The following AOPEP variants were observed in gnomAD, a reference collection of about 807,000 sequenced individuals.
AOPEP encodes the protein aminopeptidase O.
In AOPEP, 77 loss-of-function variants were observed where a neutral mutation model predicts 98.1. The ratio of observed to expected loss-of-function variants is 0.78; its 90% CI spans 0.65 to 0.95. The LOEUF (loss-of-function observed/expected upper bound fraction) is 0.95. AOPEP is among the 40% of genes least tolerant of loss of function. AOPEP has a pLI of 0.00. For synonymous variants in AOPEP, 346 were observed against 365.3 expected (o/e 0.95, Z 0.60); for missense variants, 1,024 against 1,024.7 (o/e 1.00, Z 0.01).
intron 13 of AOPEP, among the ~76,000 whole-genome samples, chr9:95,046,906 A>G (rs62579941): frequency 0.021 from 3,249 of 152,304 alleles, 52 homozygotes; most frequent in Middle Eastern, 0.044. Flanking sequence ...ATTGTTTCTT[A>G]TTCTGCTTGT....
At chr9:94,775,337 A>AGTT (rs1841840465) in intron 3 of AOPEP, among the ~76,000 whole-genome samples, 2 of 151,124 alleles carry the variant, frequency 1.3e-5, no homozygotes, top group Non-Finnish European at 2.9e-5. Flanking sequence ...AGCTAGATTA[A>AGTT]CGTATGTACT....
chr9:95,005,575 C>G lies in AOPEP; in HGVS notation c.2074C>G (p.Arg692Gly), dbSNP rs1343635906. 4 of 1,613,904 alleles carry G rather than the reference C, an allele frequency of 2.5e-6. No homozygotes were observed. The highest frequency in any genetic ancestry group is 1.7e-6 in the Non-Finnish European group (2 of 1,179,916). ...TKWIGVNRRP[R>G]KRKRREKEEV... ...ATGGATTGGAGTGAACCGGAGACCC[C>G]GAAAACGGAAGCGCAGGGAGAAGGA... is the stretch of plus-strand genomic sequence containing the variant. The change falls in exon 13 of 17, where the codon CGA (arginine) becomes GGA (glycine). Residue 692 changes from arginine to glycine, a missense_variant. This residue lies in a region of AOPEP where 566 missense variants were observed against 551.7 expected (regional missense o/e 1.03). Coordinates refer to ENST00000375315, the MANE Select transcript of AOPEP (RefSeq NM_001193329.3).
intron 5 of AOPEP, among the ~76,000 whole-genome samples, chr9:94,885,133 G>T (rs2048061440): frequency 6.6e-6 from 1 of 151,846 alleles, no homozygotes; most frequent in South Asian, 2.1e-4. Flanking sequence ...TGGATCACTT[G>T]AACCCAGGAC....
At chr9:94,946,735 C>T (rs898670245) in intron 7 of AOPEP, among the ~76,000 whole-genome samples, 3 of 152,132 alleles carry the variant, frequency 2.0e-5, no homozygotes, top group Non-Finnish European at 2.9e-5. Context: ...GCATATATAC[C>T]GCATGCCTGG....
intron 5 of AOPEP, among the ~76,000 whole-genome samples, chr9:94,807,964 G>C (rs1350850249): frequency 1.3e-5 from 2 of 152,168 alleles, no homozygotes; most frequent in African/African-American, 4.8e-5. Flanking sequence ...GCATAAAGTG[G>C]GTGAGAAATT....
chr9:95,024,367 C>T (rs904917895), intron 13 of AOPEP, among the ~76,000 whole-genome samples: 2 of 152,188 alleles, frequency 1.3e-5, no homozygotes, highest in African/African-American at 2.4e-5. Flanking sequence ...TCCACAAGCT[C>T]GTGAGCAGCC....
At chr9:94,915,040 A>G (rs1042085979) in intron 5 of AOPEP, among the ~76,000 whole-genome samples, 2 of 152,156 alleles carry the variant, frequency 1.3e-5, no homozygotes, top group Non-Finnish European at 2.9e-5. Flanking sequence ...GGTGTTGATC[A>G]AGCAAAACAT....
intron 5 of AOPEP, among the ~76,000 whole-genome samples, chr9:94,832,754 TG>T (rs1202056323): frequency 1.3e-5 from 2 of 151,888 alleles, no homozygotes; most frequent in Non-Finnish European, 2.9e-5. Context: ...AAGAGCAAGG[TG>T]GAGTTTATTC....
chr9:94,870,337 AT>A, intron 5 of AOPEP, among the ~76,000 whole-genome samples: 1 of 152,212 alleles, frequency 6.6e-6, no homozygotes, highest in African/African-American at 2.4e-5. Context: ...CAAAACATGA[AT>A]TTTTTTAAGG....
intron 13 of AOPEP, among the ~76,000 whole-genome samples, chr9:95,037,782 C>T (rs868327327): frequency 4.6e-5 from 7 of 152,332 alleles, no homozygotes; most frequent in Admixed American, 2.0e-4. Context: ...ATTGCGGCAA[C>T]AGTAGAAGGG....
intron 13 of AOPEP, among the ~76,000 whole-genome samples, chr9:95,025,033 A>G (rs954007509): frequency 6.6e-6 from 1 of 152,234 alleles, no homozygotes; most frequent in Non-Finnish European, 1.5e-5. Context: ...GTACCATCAT[A>G]TAATTTATAA....
intron 5 of AOPEP, among the ~76,000 whole-genome samples, chr9:94,860,413 G>T (rs923404606): frequency 6.6e-6 from 1 of 152,042 alleles, no homozygotes; most frequent in Non-Finnish European, 1.5e-5. Context: ...GGACGGGGTG[G>T]GCAGGTCGTG....
At chr9:95,045,532 C>T (rs1485339409) in intron 13 of AOPEP, among the ~76,000 whole-genome samples, 24 of 152,362 alleles carry the variant, frequency 1.6e-4, no homozygotes, top group Non-Finnish European at 1.2e-4. Context: ...CCTTCCAGTG[C>T]GGTCAAGGAT....
At chr9:94,845,507 T>C (rs1177352966) in intron 5 of AOPEP, among the ~76,000 whole-genome samples, 2 of 152,044 alleles carry the variant, frequency 1.3e-5, no homozygotes, top group African/African-American at 4.8e-5. Context: ...TGGATACCCG[T>C]TTTGGGGGAA....
chr9:94,831,922 C>T (rs1564213906), intron 5 of AOPEP, among the ~76,000 whole-genome samples: 1 of 152,084 alleles, frequency 6.6e-6, no homozygotes, highest in Non-Finnish European at 1.5e-5. Flanking sequence ...TGGACTGCTT[C>T]CATTAAGTGA....
rs145707124 is a variant in AOPEP at position 95,084,315 on chromosome 9, GAAAT to G, written c.*4+1600_*4+1603del. On this transcript the variant is annotated intron_variant, in intron 16 of 16. Transcript: ENST00000375315. ...TCTGAAAGAACTCTAATAATGAAAA[GAAAT>G]AAAAAGTTTTTCAGAAGCATGATCA... Among the ~76,000 whole-genome samples, 377 of 152,270 alleles carry G rather than the reference GAAAT, an allele frequency of 2.5e-3. 2 individuals are homozygous for G. The highest frequency in any genetic ancestry group is 8.8e-3 in the African/African-American group (366 of 41,570).
chr9:94,910,487 A>T (rs1313224716), intron 5 of AOPEP, among the ~76,000 whole-genome samples: 1 of 152,092 alleles, frequency 6.6e-6, no homozygotes, highest in Non-Finnish European at 1.5e-5. Context: ...CAAGGGTGGG[A>T]CCTAATGCTA....
chr9:95,138,066 G>C, the AOPEP span, among the ~76,000 whole-genome samples: 1 of 152,264 alleles, frequency 6.6e-6, no homozygotes, highest in Non-Finnish European at 1.5e-5. Context: ...AAAAGCAGTG[G>C]CTGGAATGAT....
the AOPEP span, chr9:95,110,548 AAATT>A: frequency 1.9e-6 from 2 of 1,032,150 alleles, no homozygotes; most frequent in African/African-American, 1.7e-5. Context: ...GATCCAAAAT[AAATT>A]ATCACCAAAT....
Sources: gnomAD v4.1 joint callset for allele counts (sites outside exome capture counted in the v4.1 genomes callset) on GRCh38, gnomAD v4.1.1 for gene constraint, gnomAD v4.1.1 regional missense constraint, MANE v1.5 for transcripts, NCBI Gene and HGNC (gene_info 2026-07-23, HGNC 2026-07-21) for gene names.